The following CEACAM16 variants were observed in gnomAD, a reference collection of about 807,000 sequenced individuals.
CEACAM16 encodes CEA cell adhesion molecule 16, tectorial membrane component.
CEACAM16 carries 30 observed loss-of-function variants against 39.4 expected under a neutral mutation model. The observed-to-expected ratio is 0.76, with a 90% CI of 0.57 to 1.03. The LOEUF (loss-of-function observed/expected upper bound fraction) is 1.03, where lower values mean the gene tolerates loss of function less well. Ranked by LOEUF, CEACAM16 falls within the 50% of genes least tolerant of loss-of-function variation. The probability of loss-of-function intolerance (pLI) is 0.00; values close to 1 mark genes in which losing one functional copy is unlikely to be tolerated. For missense variants in CEACAM16, 521 were observed against 585.3 expected (o/e 0.89, Z 1.13); for synonymous variants, 262 against 264.9 (o/e 0.99, Z 0.11).
intron 6 of CEACAM16, among the ~76,000 whole-genome samples, chr19:44,709,810 G>C (rs1199598852): frequency 4.1e-4 from 40 of 98,314 alleles, no homozygotes; most frequent in African/African-American, 9.5e-4. Flanking sequence ...GAGTCAGGGA[G>C]CATGTCTCCT....
At chr19:44,710,463 C>T in intron 6 of CEACAM16, 33 bp from the exon 7 acceptor site, 2 of 1,604,608 alleles carry the variant, frequency 1.2e-6, no homozygotes, top group Non-Finnish European at 8.5e-7. Flanking sequence ...CTCTGACATC[C>T]TCCTTCGCCC....
intron 6 of CEACAM16, among the ~76,000 whole-genome samples, chr19:44,709,569 C>T (rs868637466): frequency 0.016 from 1,601 of 102,276 alleles, 364 homozygotes; most frequent in African/African-American, 0.039. Context: ...TATGTCTCCT[C>T]CATCAGACCG....
At position 44,703,326 on chromosome 19, in the gene CEACAM16, C is replaced by A. The variant is rs762025290; in HGVS notation, c.38-23C>A. 7 of 1,593,378 alleles carry A rather than the reference C, an allele frequency of 4.4e-6. No individual in the cohort carries two copies. The African/African-American group carries it at 5.4e-5, about 12-fold the overall frequency. On this transcript the variant is annotated intron_variant, in intron 2 of 6. Transcript: ENST00000587331. ...GATTGATCAAACCTGCCTCATCCAA[C>A]CCCTCTGACTCCTCTTCCTCAGCCA...
intron 6 of CEACAM16, among the ~76,000 whole-genome samples, chr19:44,708,831 C>A (rs1974491633): frequency 6.6e-6 from 1 of 152,226 alleles, no homozygotes; most frequent in Non-Finnish European, 1.5e-5. Context: ...TGGAAGTTCC[C>A]AGATGTTGGG....
rs571010129 is a variant in CEACAM16, at chr19:44,701,531, C to T, written c.37+38C>T. On this transcript the variant is annotated intron_variant, in intron 2 of 6. Transcript: ENST00000587331. The surrounding 1 kb of genome is among the most constrained non-coding windows in gnomAD (Gnocchi z 4.0). Reference sequence around the variant, plus strand: ...GGCACCCCCCAGCACCTCAGCCCCCCGAGGACCCCAGGGAGGGGAGGGGAC... The same window carrying T: ...GGCACCCCCCAGCACCTCAGCCCCCTGAGGACCCCAGGGAGGGGAGGGGAC... 7.2e-5 allele frequency: 111 copies of T among 1,550,746 alleles called. No individual in the cohort carries two copies. The African/African-American group carries it at 1.1e-3, about 16-fold the overall frequency.
chr19:44,700,697 G>A lies in CEACAM16; in HGVS notation c.-96-664G>A, dbSNP rs1238877525. On this transcript the variant is annotated intron_variant, in intron 1 of 6. Transcript: ENST00000587331. ...AGCTCTCCTTGGCCCCAAAGCCTCC[G>A]AATACGCCCATTTGACAGAGAGGGG... Among the ~76,000 whole-genome samples the A allele has an allele frequency of 3.3e-5, 5 of 152,172 alleles. 1 individual carries two copies. The highest frequency in any genetic ancestry group is 2.1e-4 in the South Asian group (1 of 4,832).
intron 1 of CEACAM16, among the ~76,000 whole-genome samples, chr19:44,700,350 C>G (rs1297548900): frequency 6.6e-6 from 1 of 152,132 alleles, no homozygotes; most frequent in Non-Finnish European, 1.5e-5. Context: ...GTTGGTCAGG[C>G]TGGTTGCAAA....
intron 2 of CEACAM16, among the ~76,000 whole-genome samples, chr19:44,702,376 A>G (rs2122189160): frequency 6.6e-6 from 1 of 152,220 alleles, no homozygotes; most frequent in South Asian, 2.1e-4. Flanking sequence ...AGGCTCAGAA[A>G]GGTGAAACCA....
chr19:44,700,788 A>G (rs2122185745), intron 1 of CEACAM16, among the ~76,000 whole-genome samples: 1 of 151,054 alleles, frequency 6.6e-6, no homozygotes, highest in South Asian at 2.1e-4. Context: ...GGAAGCCAAC[A>G]AGAAGGAGAG....
At chr19:44,707,799 G>A in intron 5 of CEACAM16, 62 bp from the exon 6 acceptor site, 1 of 1,397,510 alleles carries the variant, frequency 7.2e-7, no homozygotes, top group Non-Finnish European at 9.5e-7. Context: ...AGCAAGGGTT[G>A]GGAAGGGGAC....
At chr19:44,706,693 C>T (rs2122201346) in intron 5 of CEACAM16, among the ~76,000 whole-genome samples, 1 of 152,306 alleles carries the variant, frequency 6.6e-6, no homozygotes, top group Non-Finnish European at 1.5e-5. Context: ...CTGGTCTTGA[C>T]AGGAGACAGG....
At position 44,704,185 on chromosome 19, in the gene CEACAM16, C is replaced by G. The variant is rs773722955; in HGVS notation, c.550C>G (p.Arg184Gly). ...CCGCCTGGGCCTGTCCCCTGACGGC[C>G]GGGTGCTGGCCAGGCATGGCATCCG... ...ALRLGLSPDG[R>G]VLARHGIRRE... The change falls in exon 4 of 7, where the codon CGG becomes GGG. Residue 184 changes from arginine to glycine, a missense_variant. Arg to Gly is a moderately radical substitution (Grantham distance 125, BLOSUM62 -2). Transcript: ENST00000587331. The G allele has an allele frequency of 1.2e-5, 19 of 1,571,244 alleles. No individual in the cohort carries two copies. The highest frequency in any genetic ancestry group is 3.7e-5 in the Admixed American group (2 of 53,914).
intron 1 of CEACAM16, among the ~76,000 whole-genome samples, chr19:44,700,455 T>C (rs952911193): frequency 6.6e-6 from 1 of 151,990 alleles, no homozygotes. Flanking sequence ...TTATTATTAT[T>C]TTTAGTAGAG....
chr19:44,705,726 C>T lies in CEACAM16; in HGVS notation c.798C>T (p.Phe266=). 1.9e-6 allele frequency: 3 copies of T among 1,613,998 alleles called. No individual in the cohort carries two copies. Among genetic ancestry groups the T allele is most frequent in the Non-Finnish European group, 2.5e-6 (3 of 1,179,896 alleles). ...SCPEPEYVWT[F]NGQALKNGQD... ...CAGAGCCCGAGTATGTGTGGACCTT[C>T]AACGGGCAGGCCCTAAAGAACGGCC... Residue 266 remains phenylalanine (F), a synonymous_variant, in exon 5 of 7, where the codon TTC becomes TTT. Coordinates refer to ENST00000587331, the MANE Select transcript of CEACAM16 (RefSeq NM_001039213.4).
At chr19:44,704,487 C>T (rs1297468953) in intron 4 of CEACAM16, among the ~76,000 whole-genome samples, 191 bp downstream of exon 4, 1 of 152,176 alleles carries the variant, frequency 6.6e-6, no homozygotes, top group Non-Finnish European at 1.5e-5. Context: ...TCCCAGCACT[C>T]TGGGGGGCCT....
intron 1 of CEACAM16, among the ~76,000 whole-genome samples, chr19:44,700,664 C>G (rs1226165568): frequency 1.3e-5 from 2 of 152,164 alleles, no homozygotes; most frequent in East Asian, 1.9e-4. Context: ...GAGCTGGTGT[C>G]AAAACTCAGC....
At chr19:44,699,762 C>A (rs1974315172) in intron 1 of CEACAM16, among the ~76,000 whole-genome samples, 1 of 152,178 alleles carries the variant, frequency 6.6e-6, no homozygotes, top group African/African-American at 2.4e-5. Context: ...TGGCTTAAAT[C>A]CCTGACTTGT....
chr19:44,703,247 C>T lies in CEACAM16; in HGVS notation c.38-102C>T, dbSNP rs954765361. On this transcript the variant is annotated intron_variant, in intron 2 of 6. Coordinates refer to ENST00000587331, the MANE Select transcript of CEACAM16 (RefSeq NM_001039213.4). The stretch of plus-strand genomic sequence containing the variant: ...TGCCTGTCCTCATTTACACAGAGGA[C>T]ACTGGGCTGGGGACATGCCCCGAGC... 85 of 1,032,542 alleles carry T rather than the reference C, an allele frequency of 8.2e-5. 1 individual carries two copies. The African/African-American group carries it at 1.2e-3, about 15-fold the overall frequency. 64.0% of individuals were successfully genotyped at this position (1,032,542 alleles called of 1,614,324 possible).
chr19:44,705,955 G>T, intron 5 of CEACAM16, 87 bp downstream of exon 5: 1 of 1,429,856 alleles, frequency 7.0e-7, no homozygotes, highest in Non-Finnish European at 9.6e-7. Context: ...GCCCAACAGA[G>T]AATTGGAACA....
Sources: gnomAD v4.1 joint callset for allele counts (sites outside exome capture counted in the v4.1 genomes callset) on GRCh38, gnomAD v4.1.1 for gene constraint, Gnocchi (gnomAD v3.1) non-coding constraint, MANE v1.5 for transcripts, NCBI Gene and HGNC (gene_info 2026-07-23, HGNC 2026-07-21) for gene names.